The following CNOT10 variants were observed in gnomAD, a reference collection of about 807,000 sequenced individuals.
The protein encoded by CNOT10 is CCR4-NOT transcription complex subunit 10, also known as CCR4-NOT transcription complex, subunit 10.
A neutral mutation model predicts 94.6 loss-of-function variants in CNOT10; 30 were observed. That is an observed-to-expected ratio of 0.32 (90% confidence interval 0.24 to 0.43). CNOT10 has a LOEUF of 0.43. CNOT10 is among the 20% of genes least tolerant of loss of function. The pLI is 1.00. For synonymous variants in CNOT10, 289 were observed against 301.6 expected, an observed-to-expected ratio of 0.96 and a Z score of 0.43; for missense variants, 759 against 877.2, an observed-to-expected ratio of 0.87 and a Z score of 1.70.
chr3:32,705,063 T>A lies in CNOT10; in HGVS notation c.279+91T>A, dbSNP rs182361317. On this transcript the variant is annotated intron_variant, in intron 3 of 18. Coordinates refer to ENST00000328834, the MANE Select transcript of CNOT10 (RefSeq NM_015442.3). Reference sequence around the variant, plus strand: ...AGTTAAGGAAAATAAATGTGATTTGTCTGGTATTTCTTGTCAGAAACATTT... The same window carrying A: ...AGTTAAGGAAAATAAATGTGATTTGACTGGTATTTCTTGTCAGAAACATTT... 9.0e-5 allele frequency: 78 copies of A among 863,156 alleles called. No individual in the cohort carries two copies. In the African/African-American group the frequency reaches 1.4e-3, roughly 15 times the overall value. The allele number at this position is 863,156 out of a possible 1,614,324, so 53.5% of individuals were successfully genotyped here.
At chr3:32,692,356 A>G (rs1164939823) in intron 1 of CNOT10, among the ~76,000 whole-genome samples, 1 of 152,168 alleles carries the variant, frequency 6.6e-6, no homozygotes, top group Non-Finnish European at 1.5e-5. Flanking sequence ...TTGGTCTCTC[A>G]AAGTGCTGGG....
chr3:32,748,923 G>T (rs1445878364), intron 13 of CNOT10, among the ~76,000 whole-genome samples: 1 of 150,324 alleles, frequency 6.7e-6, no homozygotes, highest in Admixed American at 6.6e-5. Flanking sequence ...CCGGGTTCAA[G>T]CAATTCTCCT....
chr3:32,700,045 G>A (rs942411762), intron 1 of CNOT10, among the ~76,000 whole-genome samples: 1 of 146,902 alleles, frequency 6.8e-6, no homozygotes, highest in South Asian at 2.2e-4. Flanking sequence ...GCATGATCTC[G>A]GCTCACTGCA....
intron 5 of CNOT10, among the ~76,000 whole-genome samples, chr3:32,715,542 C>T (rs1385757567): frequency 2.6e-5 from 4 of 152,118 alleles, no homozygotes; most frequent in Non-Finnish European, 4.4e-5. Context: ...TGGCAGTGTT[C>T]ATAACAGAGA....
chr3:32,733,635 T>C (rs1425932715), intron 11 of CNOT10, 91 bp downstream of exon 11: 9 of 889,304 alleles, frequency 1.0e-5, no homozygotes, highest in Non-Finnish European at 1.3e-5. Flanking sequence ...GGATTTATCA[T>C]TGCATAGGAG....
chr3:32,765,083 G>T, intron 17 of CNOT10: 1 of 971,838 alleles, frequency 1.0e-6, no homozygotes, highest in Non-Finnish European at 1.4e-6. Context: ...CACTTTGGGA[G>T]GCCGAGGCAG....
At chr3:32,754,170 T>A (rs1211573911) in intron 13 of CNOT10, among the ~76,000 whole-genome samples, 5 of 151,968 alleles carry the variant, frequency 3.3e-5, no homozygotes, top group Non-Finnish European at 7.4e-5. Flanking sequence ...GCATTAATAT[T>A]TTTTTCTTTA....
chr3:32,752,711 C>T (rs1379198163), intron 13 of CNOT10, among the ~76,000 whole-genome samples: 1 of 152,142 alleles, frequency 6.6e-6, no homozygotes, highest in Non-Finnish European at 1.5e-5. Context: ...TGTGGTGGCT[C>T]ATGCCTGTAA....
At chr3:32,772,365 A>G (rs1018668086) in intron 18 of CNOT10, among the ~76,000 whole-genome samples, 11 of 151,764 alleles carry the variant, frequency 7.2e-5, no homozygotes, top group African/African-American at 2.4e-4. Context: ...AAAAAGGGAC[A>G]TAAATGAAGT....
At chr3:32,730,373 C>T (rs1456727736) in intron 10 of CNOT10, among the ~76,000 whole-genome samples, 1 of 151,574 alleles carries the variant, frequency 6.6e-6, no homozygotes, top group Non-Finnish European at 1.5e-5. Flanking sequence ...TAATATGCTG[C>T]CAGTCCTGTT....
At chr3:32,750,242 C>T (rs971042192) in intron 13 of CNOT10, among the ~76,000 whole-genome samples, 2 of 152,096 alleles carry the variant, frequency 1.3e-5, no homozygotes, top group African/African-American at 4.8e-5. Flanking sequence ...TGCCTGTAAT[C>T]CCAGCACTGT....
chr3:32,689,716 G>A (rs917383427), intron 1 of CNOT10, among the ~76,000 whole-genome samples: 1 of 152,178 alleles, frequency 6.6e-6, no homozygotes, highest in Non-Finnish European at 1.5e-5. Context: ...ACCTGTGGGA[G>A]GCTGAGGTGG....
At chr3:32,712,307 A>G (rs192484227) in intron 4 of CNOT10, among the ~76,000 whole-genome samples, 39 of 152,322 alleles carry the variant, frequency 2.6e-4, no homozygotes, top group African/African-American at 9.1e-4. Flanking sequence ...CTCATTTGAC[A>G]GGTCAGCCAG....
intron 10 of CNOT10, among the ~76,000 whole-genome samples, chr3:32,729,990 G>A (rs1051436495): frequency 6.6e-6 from 1 of 151,304 alleles, no homozygotes; most frequent in Non-Finnish European, 1.5e-5. Flanking sequence ...GGATGGTCTC[G>A]ATCTCCTGAC....
At chr3:32,757,166 A>G (rs1439880401) in intron 13 of CNOT10, among the ~76,000 whole-genome samples, 1 of 125,848 alleles carries the variant, frequency 7.9e-6, no homozygotes, top group African/African-American at 3.1e-5. Context: ...TAGGCCCTGA[A>G]CTAATTTTTT....
chr3:32,767,507 G>T (rs912389001), intron 17 of CNOT10, among the ~76,000 whole-genome samples: 1 of 89,040 alleles, frequency 1.1e-5, no homozygotes, highest in East Asian at 3.8e-4. Context: ...CAACAAGAGC[G>T]AAACTCTGTC....
At chr3:32,707,915 T>G (rs1215108598) in intron 3 of CNOT10, among the ~76,000 whole-genome samples, 1 of 152,232 alleles carries the variant, frequency 6.6e-6, no homozygotes, top group Non-Finnish European at 1.5e-5. Context: ...ATACAGAGTC[T>G]CGCTGTGTTG....
intron 1 of CNOT10, among the ~76,000 whole-genome samples, chr3:32,691,299 C>T (rs2125490462): frequency 6.6e-6 from 1 of 151,880 alleles, no homozygotes; most frequent in East Asian, 1.9e-4. Flanking sequence ...GTAGCTGGGA[C>T]TACAGGTGTG....
At chr3:32,696,464 TAAAG>T (rs1424395976) in intron 1 of CNOT10, among the ~76,000 whole-genome samples, 4 of 152,268 alleles carry the variant, frequency 2.6e-5, no homozygotes, top group Admixed American at 2.6e-4. Flanking sequence ...ATCCTGAAGT[TAAAG>T]AAGGTAGGTA....
Sources: gnomAD v4.1 joint callset for allele counts (sites outside exome capture counted in the v4.1 genomes callset) on GRCh38, gnomAD v4.1.1 for gene constraint, MANE v1.5 for transcripts, NCBI Gene and HGNC (gene_info 2026-07-23, HGNC 2026-07-21) for gene names.